The following SCN2A variants were observed in gnomAD, a reference collection of about 807,000 sequenced individuals.
The protein encoded by SCN2A is sodium channel protein type 2 subunit alpha.
Under a neutral mutation model 188.7 loss-of-function variants are expected in SCN2A, and 20 were observed. The observed-to-expected ratio is 0.11, with a 90% CI of 0.07 to 0.15. The LOEUF (loss-of-function observed/expected upper bound fraction) is 0.15. SCN2A is among the 10% of genes least tolerant of loss of function. SCN2A has a pLI of 1.00. For missense variants in SCN2A, 1,278 were observed against 2,445.0 expected, an observed-to-expected ratio of 0.52 and a Z score of 10.07; for synonymous variants, 804 against 833.1, an observed-to-expected ratio of 0.97 and a Z score of 0.60.
At chr2:165,265,477 A>ATCTATATATC (rs1304724113) in intron 1 of SCN2A, among the ~76,000 whole-genome samples, 1 of 82,288 alleles carries the variant, frequency 1.2e-5, no homozygotes, top group Non-Finnish European at 2.4e-5. Flanking sequence ...TGATCTATAT[A>ATCTATATATC]TATATATATA....
rs1224625954 is a variant in SCN2A at position 165,308,719 on chromosome 2, G to A, written c.530G>A (p.Arg177Lys). 1.9e-6 allele frequency: 3 copies of A among 1,612,630 alleles called. No homozygotes were observed. Among genetic ancestry groups the A allele is most frequent in the Admixed American group, 1.7e-5 (1 of 59,980 alleles). Residue 177 changes from arginine to lysine, a missense_variant, in exon 5 of 27, where the codon AGG (arginine) becomes AAG (lysine). Around this residue, in one of 17 missense-constraint regions of SCN2A, gnomAD observed 37 missense variants for 154.9 expected, o/e 0.24. Coordinates refer to ENST00000375437, the MANE Select transcript of SCN2A (RefSeq NM_001040142.2). ...GAATCACTTATTAAAATACTTGCAAGGGGCTTTTGTTTAGAAGATTTCACA... is the reference window on the plus strand; with the variant it reads ...GAATCACTTATTAAAATACTTGCAAAGGGCTTTTGTTTAGAAGATTTCACA... ...TFESLIKILARGFCLEDFTFL... is the reference protein window; with the variant it reads ...TFESLIKILAKGFCLEDFTFL...
intron 1 of SCN2A, among the ~76,000 whole-genome samples, chr2:165,251,934 C>T (rs1490619499): frequency 6.6e-6 from 1 of 151,822 alleles, no homozygotes; most frequent in African/African-American, 2.4e-5. Context: ...ACTATTATGA[C>T]TAAATTTAAA....
At chr2:165,322,715 G>A (rs1559361878) in intron 11 of SCN2A, among the ~76,000 whole-genome samples, 2 of 152,156 alleles carry the variant, frequency 1.3e-5, no homozygotes, top group Non-Finnish European at 2.9e-5. Flanking sequence ...GGTCACTAGC[G>A]AGCTCTTACT....
intron 1 of SCN2A, among the ~76,000 whole-genome samples, chr2:165,286,692 G>T (rs1695848627): frequency 1.3e-5 from 2 of 152,132 alleles, no homozygotes; most frequent in South Asian, 4.1e-4. Context: ...CTGCATCCAG[G>T]CTAAAAAGCA....
chr2:165,344,285 A>C (rs1204623512), intron 15 of SCN2A, among the ~76,000 whole-genome samples: 1 of 152,082 alleles, frequency 6.6e-6, no homozygotes, highest in African/African-American at 2.4e-5. Flanking sequence ...TCACTGCTAT[A>C]TTTGTTAGTG....
chr2:165,278,326 T>A (rs1210383023), intron 1 of SCN2A, among the ~76,000 whole-genome samples: 1 of 152,130 alleles, frequency 6.6e-6, no homozygotes, highest in Non-Finnish European at 1.5e-5. Flanking sequence ...TGATTCTAAG[T>A]TTGGCATGAC....
At chr2:165,384,392 C>A (rs974519293) in intron 25 of SCN2A, among the ~76,000 whole-genome samples, 3 of 152,078 alleles carry the variant, frequency 2.0e-5, no homozygotes, top group African/African-American at 7.2e-5. Context: ...CAGAATTATA[C>A]ATCTTGTTCC....
chr2:165,321,321 G>T (rs1044464148), intron 11 of SCN2A, among the ~76,000 whole-genome samples: 12 of 152,188 alleles, frequency 7.9e-5, no homozygotes, highest in African/African-American at 2.7e-4. Flanking sequence ...TCTCTAGAAA[G>T]TTCCAAACTT....
intron 23 of SCN2A, among the ~76,000 whole-genome samples, chr2:165,380,114 A>G (rs1701521984): frequency 6.6e-6 from 1 of 151,748 alleles, no homozygotes; most frequent in Non-Finnish European, 1.5e-5. Flanking sequence ...CCACTGTTCT[A>G]AGCATATTTA....
chr2:165,291,898 T>C (rs1696224914), intron 1 of SCN2A, among the ~76,000 whole-genome samples: 1 of 151,940 alleles, frequency 6.6e-6, no homozygotes, highest in Admixed American at 6.6e-5. Context: ...ACAGAGTAAT[T>C]ACTTCAGGAT....
At position 165,342,397 on chromosome 2, in the gene SCN2A, T is replaced by C; in HGVS notation, c.2490T>C (p.Ile830=). The C allele has an allele frequency of 6.2e-7, 1 of 1,614,088 alleles. No individual in the cohort carries two copies. Among genetic ancestry groups the C allele is most frequent in the Non-Finnish European group, 8.5e-7 (1 of 1,179,972 alleles). ...GCTGGAATATTTTTGATGGTTTTAT[T>C]GTGAGCCTTAGTTTAATGGAACTTG... is the stretch of plus-strand genomic sequence containing the variant. ...QEGWNIFDGF[I]VSLSLMELGL... Residue 830 remains isoleucine (I), a synonymous_variant, in exon 15 of 27, where the codon ATT becomes ATC. Coordinates refer to ENST00000375437, the MANE Select transcript of SCN2A (RefSeq NM_001040142.2).
chr2:165,241,061 T>C (rs1693597541), intron 1 of SCN2A: 1 of 151,954 alleles, frequency 6.6e-6, no homozygotes, highest in South Asian at 2.1e-4. Context: ...ACATCTTCCA[T>C]AGCAGTAACA....
intron 1 of SCN2A, among the ~76,000 whole-genome samples, chr2:165,280,590 A>T (rs887641066): frequency 3.3e-5 from 5 of 152,146 alleles, no homozygotes; most frequent in African/African-American, 1.2e-4. Context: ...CTTAGCGAAG[A>T]CTGACTATTG....
chr2:165,341,690 T>C (rs1410167676), intron 14 of SCN2A, among the ~76,000 whole-genome samples: 2 of 152,206 alleles, frequency 1.3e-5, no homozygotes, highest in Non-Finnish European at 2.9e-5. Flanking sequence ...GTACTGAGAC[T>C]GTGCTTCTCA....
At chr2:165,242,837 G>A (rs941437182) in intron 1 of SCN2A, among the ~76,000 whole-genome samples, 9 of 152,198 alleles carry the variant, frequency 5.9e-5, no homozygotes, top group Admixed American at 2.0e-4. Flanking sequence ...GGAAGAAAGG[G>A]TGGTTGATGA....
At chr2:165,302,378 T>C (rs1310453102) in intron 3 of SCN2A, among the ~76,000 whole-genome samples, 1 of 152,202 alleles carries the variant, frequency 6.6e-6, no homozygotes, top group Non-Finnish European at 1.5e-5. Flanking sequence ...CTTCAAATTA[T>C]CCATTTTTAC....
intron 1 of SCN2A, among the ~76,000 whole-genome samples, chr2:165,251,379 G>A (rs80284835): frequency 0.03 from 4,515 of 152,048 alleles, 211 homozygotes; most frequent in African/African-American, 0.099. Flanking sequence ...AATAATAAAA[G>A]AAAAAAGTCA....
rs1404927721 is a variant in SCN2A, at chr2:165,331,398, G to A, written c.2218G>A (p.Asp740Asn). The part of the protein sequence containing the change: ...YKFANMCLIW[D>N]CCKPWLKVKH... ...ATTTGCTAATATGTGTTTGATTTGG[G>A]ACTGTTGTAAACCATGGTTAAAGGT... The change falls in exon 14 of 27, where the codon GAC (aspartate) becomes AAC (asparagine). Residue 740 changes from aspartate to asparagine, a missense_variant. By Grantham distance (23) the Asp-to-Asn change is conservative. Transcript: ENST00000375437. 1.2e-6 allele frequency: 2 copies of A among 1,613,784 alleles called. No individual in the cohort carries two copies.
intron 7 of SCN2A, among the ~76,000 whole-genome samples, chr2:165,310,984 G>T (rs577041137): frequency 6.6e-6 from 1 of 152,028 alleles, no homozygotes; most frequent in Non-Finnish European, 1.5e-5. Flanking sequence ...GGCCCTATTT[G>T]GTTGATGCAA....
Sources: allele counts gnomAD v4.1 joint callset (sites outside exome capture counted in the v4.1 genomes callset), GRCh38; gene constraint gnomAD v4.1.1; regional missense constraint gnomAD v4.1.1; transcripts MANE v1.5; gene names NCBI Gene and HGNC (gene_info 2026-07-23, HGNC 2026-07-21).